TBC1D8: variants seen among roughly 807,000 people sequenced by gnomAD.
TBC1D8 encodes BUB2-like protein 1.
Under a neutral mutation model 118.8 loss-of-function variants are expected in TBC1D8, and 65 were observed. That is an observed-to-expected ratio of 0.55 (90% confidence interval 0.45 to 0.67). The LOEUF (loss-of-function observed/expected upper bound fraction) is 0.67, where lower values mean the gene tolerates loss of function less well. Ranked by LOEUF, TBC1D8 falls within the 30% of genes least tolerant of loss-of-function variation. The pLI is 0.00. For synonymous variants in TBC1D8, 566 were observed against 595.8 expected, an observed-to-expected ratio of 0.95 and a Z score of 0.73; for missense variants, 1,376 against 1,471.2, an observed-to-expected ratio of 0.94 and a Z score of 1.06.
rs1050340058 is a variant in TBC1D8 at position 101,109,705 on chromosome 2, CCTGAGCA to C, written c.128-19348_128-19342del. On this transcript the variant is annotated intron_variant, in intron 1 of 19. Coordinates refer to ENST00000409318, the MANE Select transcript of TBC1D8 (RefSeq NM_001330348.2). ...GCAGATGGGATGAAGCAGCTGAGGC[CCTGAGCA>C]CTGAGAGATGATGCCGGGCCTCCCC... 7 of 764,194 alleles carry C rather than the reference CCTGAGCA, an allele frequency of 9.2e-6. No homozygotes were observed. In the African/African-American group the frequency reaches 1.3e-4, roughly 14 times the overall value. The allele number at this position is 764,194 out of a possible 1,614,324, so 47.3% of individuals were successfully genotyped here. A position where few individuals can be genotyped will look rare whatever the true frequency, so the allele number is the denominator to read the frequency against.
intron 4 of TBC1D8, among the ~76,000 whole-genome samples, chr2:101,053,286 G>A (rs528213270): frequency 8.5e-5 from 13 of 152,322 alleles, no homozygotes; most frequent in African/African-American, 2.2e-4. Flanking sequence ...GGCACACTCC[G>A]AGGGTGTGGA....
At chr2:101,141,826 T>C (rs901528278) in intron 1 of TBC1D8, among the ~76,000 whole-genome samples, 23 of 141,678 alleles carry the variant, frequency 1.6e-4, no homozygotes, top group African/African-American at 5.4e-4. Flanking sequence ...CACACACACA[T>C]ACACAAGGCT....
chr2:101,013,097 A>C (rs942529797), intron 17 of TBC1D8, among the ~76,000 whole-genome samples: 1 of 152,216 alleles, frequency 6.6e-6, no homozygotes, highest in Admixed American at 6.5e-5. Flanking sequence ...GAAAGGCAGC[A>C]ATTAATCCAG....
intron 1 of TBC1D8, among the ~76,000 whole-genome samples, chr2:101,092,466 T>C (rs1392068902): frequency 6.6e-6 from 1 of 152,224 alleles, no homozygotes; most frequent in East Asian, 1.9e-4. Context: ...GAGTATTCTG[T>C]GGAGAAGTAT....
chr2:101,118,827 T>C (rs1430072735), intron 1 of TBC1D8, among the ~76,000 whole-genome samples: 1 of 151,932 alleles, frequency 6.6e-6, no homozygotes, highest in Non-Finnish European at 1.5e-5. Context: ...GGGCAACATG[T>C]TGAAACCCCA....
At chr2:101,128,034 T>C (rs189042709) in intron 1 of TBC1D8, among the ~76,000 whole-genome samples, 13 of 152,298 alleles carry the variant, frequency 8.5e-5, no homozygotes, top group Admixed American at 8.5e-4. Flanking sequence ...TTAACTCCCT[T>C]TCACAAAATA....
rs1678906122 is a variant in TBC1D8 at position 101,008,360 on chromosome 2, A to G, written c.3016-87T>C. 2.4e-5 allele frequency: 25 copies of G among 1,049,400 alleles called. No individual in the cohort carries two copies. The South Asian group carries it at 4.7e-4, about 20-fold the overall frequency. The allele number at this position is 1,049,400 out of a possible 1,614,324, so 65.0% of individuals were successfully genotyped here. ...TAAACATACCTGTGAGCTTTGAGAA[A>G]ACGACACAGTATTTTTGAAGACACA... On this transcript the variant is annotated intron_variant, in intron 19 of 19. Coordinates refer to ENST00000409318, the MANE Select transcript of TBC1D8 (RefSeq NM_001330348.2).
intron 17 of TBC1D8, among the ~76,000 whole-genome samples, chr2:101,012,983 T>A (rs1334995672): frequency 6.6e-6 from 1 of 152,216 alleles, no homozygotes; most frequent in Non-Finnish European, 1.5e-5. Context: ...GCAGTCAGGA[T>A]GGAAATGGAT....
chr2:101,022,578 TAACAC>T, intron 15 of TBC1D8, 57 bp from the exon 16 acceptor site: 1 of 1,552,046 alleles, frequency 6.4e-7, no homozygotes, highest in Non-Finnish European at 8.6e-7. Flanking sequence ...GCCACGTTAT[TAACAC>T]AAACAAATAC....
Position 101,007,232 on chromosome 2 carries a change from T to C in TBC1D8, c.*589A>G, listed in dbSNP as rs1678786198. On this transcript the variant is annotated 3_prime_UTR_variant, in exon 20 of 20. Transcript: ENST00000409318. ...AGGTAAAAGAAAAGGACCAAGTAAATACAAAAAGTTTCTTATTAAAAAACT... is the reference window on the plus strand; with the variant it reads ...AGGTAAAAGAAAAGGACCAAGTAAACACAAAAAGTTTCTTATTAAAAAACT... 1 of 152,284 alleles carries C rather than the reference T, an allele frequency of 6.6e-6. No homozygotes were observed. Among genetic ancestry groups the C allele is most frequent in the Admixed American group, 6.5e-5 (1 of 15,300 alleles). 9.4% of individuals were successfully genotyped at this position (152,284 alleles called of 1,614,324 possible). A position where few individuals can be genotyped will look rare whatever the true frequency, so the allele number is the denominator to read the frequency against.
chr2:101,039,216 T>G (rs1259203058), intron 6 of TBC1D8, among the ~76,000 whole-genome samples: 1 of 152,254 alleles, frequency 6.6e-6, no homozygotes, highest in African/African-American at 2.4e-5. Flanking sequence ...AAATGTCATT[T>G]CTGGTTAGGT....
intron 2 of TBC1D8, among the ~76,000 whole-genome samples, chr2:101,076,948 C>G (rs1282470723): frequency 1.3e-5 from 2 of 152,156 alleles, no homozygotes; most frequent in African/African-American, 4.8e-5. Context: ...TCCAATCATG[C>G]TGGAAGGCAA....
chr2:101,057,917 T>A (rs893115306), intron 3 of TBC1D8, among the ~76,000 whole-genome samples: 1 of 152,060 alleles, frequency 6.6e-6, no homozygotes, highest in African/African-American at 2.4e-5. Flanking sequence ...TCTAGGAGAG[T>A]CAAGGACAAG....
chr2:101,036,239 T>A, intron 8 of TBC1D8, 71 bp from the exon 9 acceptor site: 1 of 1,562,796 alleles, frequency 6.4e-7, no homozygotes, highest in Non-Finnish European at 8.8e-7. Flanking sequence ...GATGCACCGC[T>A]GGCAATGGAG....
chr2:101,081,412 T>C (rs1675258066), intron 2 of TBC1D8, among the ~76,000 whole-genome samples: 1 of 152,196 alleles, frequency 6.6e-6, no homozygotes, highest in African/African-American at 2.4e-5. Flanking sequence ...ACTGGCTACA[T>C]AAAAACCTTG....
chr2:101,011,338 T>G lies in TBC1D8; in HGVS notation c.2917+113A>C. ...GGCAGTGAGTTTGGGGATAATTCAT[T>G]GGACGAAGGGAAAAGACAAGGCTGC... is the stretch of plus-strand genomic sequence containing the variant. On this transcript the variant is annotated intron_variant, in intron 18 of 19. Coordinates refer to ENST00000409318, the MANE Select transcript of TBC1D8 (RefSeq NM_001330348.2). 3.6e-6 allele frequency: 4 copies of G among 1,108,796 alleles called. No individual in the cohort carries two copies. The South Asian group carries it at 5.3e-5, about 15-fold the overall frequency. 68.7% of individuals were successfully genotyped at this position (1,108,796 alleles called of 1,614,324 possible). A position where few individuals can be genotyped will look rare whatever the true frequency, so the allele number is the denominator to read the frequency against.
At chr2:101,028,178 C>T (rs377360361) in intron 13 of TBC1D8, 32 bp from the exon 14 acceptor site, 3 of 1,612,244 alleles carry the variant, frequency 1.9e-6, no homozygotes, top group African/African-American at 1.3e-5. Context: ...CTTGCTCAGT[C>T]CCCTGCTCAT....
chr2:101,041,526 G>A (rs1681383531), intron 5 of TBC1D8, among the ~76,000 whole-genome samples: 1 of 152,130 alleles, frequency 6.6e-6, no homozygotes. Flanking sequence ...ATTGCTCAGG[G>A]CTTGGGGGAA....
intron 12 of TBC1D8, among the ~76,000 whole-genome samples, chr2:101,029,099 C>A (rs540289087): frequency 1.7e-4 from 26 of 152,210 alleles, no homozygotes; most frequent in Non-Finnish European, 3.2e-4. Flanking sequence ...GAACAGAAAA[C>A]TTCCACAGGG....
Sources: gnomAD v4.1 joint callset for allele counts (sites outside exome capture counted in the v4.1 genomes callset) on GRCh38, gnomAD v4.1.1 for gene constraint, MANE v1.5 for transcripts, NCBI Gene and HGNC (gene_info 2026-07-23, HGNC 2026-07-21) for gene names.